The following KALRN variants were observed in gnomAD, a reference collection of about 807,000 sequenced individuals.
KALRN encodes the protein kalirin RhoGEF kinase, also known as kalirin.
KALRN carries 70 observed loss-of-function variants against 353.7 expected under a neutral mutation model. The ratio of observed to expected loss-of-function variants is 0.20; its 90% confidence interval spans 0.16 to 0.24. The LOEUF is 0.24. KALRN is among the 10% of genes least tolerant of loss of function. The pLI, the probability that KALRN is intolerant of heterozygous loss-of-function variation, is 1.00. For missense variants in KALRN, 2,791 were observed against 3,756.7 expected, an observed-to-expected ratio of 0.74 and a Z score of 6.72; for synonymous variants, 1,391 against 1,434.8, an observed-to-expected ratio of 0.97 and a Z score of 0.69.
At chr3:124,703,465 A>G (rs756909095) in intron 57 of KALRN, among the ~76,000 whole-genome samples, 4 of 152,056 alleles carry the variant, frequency 2.6e-5, no homozygotes, top group Non-Finnish European at 5.9e-5. Flanking sequence ...TCCATACAAC[A>G]CTATGAGATA....
At chr3:124,440,537 C>T (rs2093634351) in intron 18 of KALRN, among the ~76,000 whole-genome samples, 1 of 151,752 alleles carries the variant, frequency 6.6e-6, no homozygotes. Flanking sequence ...CGTTTGTGTA[C>T]CAGATATTCC....
chr3:124,581,625 T>TA (rs1233695136), intron 34 of KALRN, among the ~76,000 whole-genome samples: 1 of 152,100 alleles, frequency 6.6e-6, no homozygotes, highest in African/African-American at 2.4e-5. Context: ...AAGATTTGAG[T>TA]AAAAAACAAA....
intron 1 of KALRN, among the ~76,000 whole-genome samples, chr3:124,095,264 A>T (rs896939494): frequency 2.0e-5 from 3 of 152,176 alleles, no homozygotes; most frequent in African/African-American, 7.2e-5. Context: ...AAGGAGAATG[A>T]TTCCTGCAGT....
At chr3:124,457,808 T>G (rs796515604) in intron 23 of KALRN, among the ~76,000 whole-genome samples, 7 of 152,288 alleles carry the variant, frequency 4.6e-5, no homozygotes, top group African/African-American at 1.7e-4. Context: ...AGCTTCAAAT[T>G]GTAAATGGTT....
At chr3:124,633,670 G>T (rs1413536445) in intron 35 of KALRN, among the ~76,000 whole-genome samples, 182 bp from the exon 36 acceptor site, 2 of 151,772 alleles carry the variant, frequency 1.3e-5, no homozygotes, top group Non-Finnish European at 2.9e-5. Flanking sequence ...CCCCACTGGT[G>T]CTCACTCTCA....
chr3:124,112,913 A>G (rs1225644969), intron 1 of KALRN, among the ~76,000 whole-genome samples: 1 of 152,154 alleles, frequency 6.6e-6, no homozygotes, highest in Non-Finnish European at 1.5e-5. Context: ...ACTTTCATGT[A>G]CTACATAACT....
rs768660105 is a variant in KALRN, at chr3:124,678,290, C to G, written c.7294C>G (p.Leu2432Val). Reference protein sequence around the residue: ...ATGPRKPKDILGNKVSVKETN... With the variant: ...ATGPRKPKDIVGNKVSVKETN... ...AGGGCCTCGTAAACCCAAGGATATT[C>G]TGGGCAACAAAGTCTCTGTTAAAGT... is the stretch of plus-strand genomic sequence containing the variant. Residue 2432 changes from leucine to valine, a missense_variant, in exon 50 of 60, where the codon CTG (leucine) becomes GTG (valine). By Grantham distance (32) the Leu-to-Val change is conservative (BLOSUM62 1). Coordinates refer to ENST00000682506, the MANE Select transcript of KALRN (RefSeq NM_001388419.1). 1 of 1,613,934 alleles carries G rather than the reference C, an allele frequency of 6.2e-7. No homozygotes were observed. The highest frequency in any genetic ancestry group is 1.3e-5 in the African/African-American group (1 of 75,018).
At chr3:124,609,481 A>G (rs1453827717) in intron 34 of KALRN, among the ~76,000 whole-genome samples, 2 of 152,192 alleles carry the variant, frequency 1.3e-5, no homozygotes, top group Non-Finnish European at 2.9e-5. Flanking sequence ...GTATACATGT[A>G]TTTGCACTAG....
chr3:124,500,615 T>C (rs1346755163), intron 33 of KALRN, among the ~76,000 whole-genome samples: 1 of 152,230 alleles, frequency 6.6e-6, no homozygotes, highest in Non-Finnish European at 1.5e-5. Flanking sequence ...TATGGGTGCC[T>C]CAGTAAATGG....
intron 13 of KALRN, among the ~76,000 whole-genome samples, chr3:124,403,798 T>A (rs951593427): frequency 6.6e-6 from 1 of 152,174 alleles, no homozygotes; most frequent in Admixed American, 6.5e-5. Context: ...GCAAAAACTA[T>A]GTTGGACATT....
At chr3:124,169,270 C>A (rs1199415895) in intron 1 of KALRN, among the ~76,000 whole-genome samples, 1 of 151,958 alleles carries the variant, frequency 6.6e-6, no homozygotes, top group Non-Finnish European at 1.5e-5. Context: ...AGAGTCCATG[C>A]TTAAAGAATG....
At chr3:124,675,345 G>C (rs949045140) in intron 49 of KALRN, 2 of 152,044 alleles carry the variant, frequency 1.3e-5, no homozygotes, top group African/African-American at 4.8e-5. Flanking sequence ...GCTCATCGTT[G>C]TACCTGTAAT....
intron 9 of KALRN, among the ~76,000 whole-genome samples, chr3:124,337,934 A>T (rs191762843): frequency 6.0e-4 from 91 of 152,264 alleles, no homozygotes; most frequent in Non-Finnish European, 1.1e-3. Flanking sequence ...AGAGGTATTT[A>T]TAGTATTCTC....
chr3:124,308,162 A>G (rs1373608237), intron 6 of KALRN, among the ~76,000 whole-genome samples: 1 of 152,044 alleles, frequency 6.6e-6, no homozygotes, highest in Non-Finnish European at 1.5e-5. Flanking sequence ...AAAGTACCAA[A>G]ATACACAAAG....
intron 1 of KALRN, among the ~76,000 whole-genome samples, chr3:124,034,404 G>T (rs2039209607): frequency 1.3e-5 from 2 of 152,198 alleles, no homozygotes; most frequent in African/African-American, 4.8e-5. Flanking sequence ...TGGGAGGGCG[G>T]TGGGCGCCTC....
At chr3:124,118,522 A>G (rs2063673877) in intron 1 of KALRN, among the ~76,000 whole-genome samples, 1 of 152,212 alleles carries the variant, frequency 6.6e-6, no homozygotes, top group South Asian at 2.1e-4. Context: ...GTGGAGTTGC[A>G]GGAGACACTT....
chr3:124,128,249 T>C (rs2064903537), intron 1 of KALRN, among the ~76,000 whole-genome samples: 1 of 152,188 alleles, frequency 6.6e-6, no homozygotes, highest in Admixed American at 6.5e-5. Context: ...ATAAGATCAG[T>C]TTATGAACAA....
At chr3:124,296,048 T>C (rs2076819384) in intron 5 of KALRN, among the ~76,000 whole-genome samples, 1 of 152,222 alleles carries the variant, frequency 6.6e-6, no homozygotes, top group Admixed American at 6.5e-5. Flanking sequence ...CTTTCTTTAC[T>C]GTTGGTGTAA....
intron 1 of KALRN, chr3:124,100,674 C>A (rs951340261): frequency 1.3e-5 from 2 of 152,226 alleles, no homozygotes; most frequent in Admixed American, 1.3e-4. Context: ...AGATTATCTT[C>A]TTGGGACTGT....
Sources: allele counts gnomAD v4.1 joint callset (sites outside exome capture counted in the v4.1 genomes callset), GRCh38; gene constraint gnomAD v4.1.1; transcripts MANE v1.5; gene names NCBI Gene and HGNC (gene_info 2026-07-23, HGNC 2026-07-21).